Variants in MUC7 observed in about 807,000 individuals in gnomAD.
MUC7 encodes mucin 7, secreted.
Under a neutral mutation model 2.5 loss-of-function variants are expected in MUC7, and 2 were observed. The observed-to-expected ratio is 0.81, with a 90% CI of 0.33 to 2.55. The LOEUF (loss-of-function observed/expected upper bound fraction) is 2.55, where lower values mean the gene tolerates loss of function less well. MUC7 is among the 30% of genes most tolerant of loss of function. The probability of loss-of-function intolerance (pLI) is 0.11; values close to 1 mark genes in which losing one functional copy is unlikely to be tolerated. For missense variants in MUC7, 408 were observed against 455.6 expected (o/e 0.90, Z 0.95); for synonymous variants, 133 against 173.4 (o/e 0.77, Z 1.83).
chr4:70,452,010 A>G (rs182119511), intron 1 of MUC7, among the ~76,000 whole-genome samples: 1 of 152,256 alleles, frequency 6.6e-6, no homozygotes, highest in African/African-American at 2.4e-5. Context: ...ATCCTTATAT[A>G]CTGATCTTAT....
At chr4:70,449,925 C>T (rs1469114689) in intron 1 of MUC7, among the ~76,000 whole-genome samples, 6 of 152,192 alleles carry the variant, frequency 3.9e-5, no homozygotes, top group Admixed American at 3.9e-4. Flanking sequence ...CTGGGTCTTG[C>T]CCAAGGCCTG....
intron 1 of MUC7, among the ~76,000 whole-genome samples, chr4:70,451,078 G>C (rs1296460942): frequency 6.6e-6 from 1 of 152,166 alleles, no homozygotes; most frequent in African/African-American, 2.4e-5. Flanking sequence ...GAGACACAGA[G>C]TGCTGTAGCC....
Position 70,459,275 on chromosome 4 carries a change from T to C in MUC7, c.-92-12940T>C, listed in dbSNP as rs550474549. On this transcript the variant is annotated intron_variant, in intron 1 of 3. Coordinates refer to the MUC7 transcript ENST00000413702. Reference sequence around the variant, plus strand: ...GTAAAAAATGATGAGTTCATGTCCTTTGTAGGGACATGGATGAAATTGGAA... The same window carrying C: ...GTAAAAAATGATGAGTTCATGTCCTCTGTAGGGACATGGATGAAATTGGAA... Among the ~76,000 whole-genome samples the C allele has an allele frequency of 3.9e-5, 6 of 152,324 alleles. No individual in the cohort carries two copies. The South Asian group carries it at 1.2e-3, about 32-fold the overall frequency.
Position 70,481,060 on chromosome 4 carries a change from G to A in MUC7, c.316G>A (p.Val106Met). 3 of 1,614,082 alleles carry A rather than the reference G, an allele frequency of 1.9e-6. No homozygotes were observed. Among genetic ancestry groups the A allele is most frequent in the Non-Finnish European group, 2.5e-6 (3 of 1,180,016 alleles). Residue 106 changes from valine to methionine, a missense_variant, in exon 3 of 3, where the codon GTG becomes ATG. This residue lies in a region of MUC7 where 225 missense variants were observed against 240.5 expected (regional missense o/e 0.94). Coordinates refer to ENST00000304887, the MANE Select transcript of MUC7 (RefSeq NM_152291.3). ...TAGCAGTGTGGTCAACCCTACCTTA[G>A]TGGCTACAACCCAAATTCCATCTGT... ...KNSSVVNPTLVATTQIPSVTF... is the reference protein window; with the variant it reads ...KNSSVVNPTLMATTQIPSVTF...
intron 1 of MUC7, among the ~76,000 whole-genome samples, chr4:70,453,815 G>A (rs1577904803): frequency 6.6e-6 from 1 of 152,080 alleles, no homozygotes; most frequent in Non-Finnish European, 1.5e-5. Flanking sequence ...CCTTGGTATT[G>A]CTGCTGGTTA....
chr4:70,434,450 G>A (rs935772773), intron 1 of MUC7, among the ~76,000 whole-genome samples: 5 of 152,182 alleles, frequency 3.3e-5, no homozygotes, highest in Admixed American at 6.5e-5. Flanking sequence ...ACTCTTGGGA[G>A]GGTGTATGTG....
At chr4:70,444,525 C>T (rs1349838717) in intron 1 of MUC7, among the ~76,000 whole-genome samples, 1 of 152,186 alleles carries the variant, frequency 6.6e-6, no homozygotes, top group East Asian at 1.9e-4. Context: ...CTTGCAGCCA[C>T]CCGATTTGAC....
At chr4:70,441,829 C>G (rs1415776891) in intron 1 of MUC7, among the ~76,000 whole-genome samples, 1 of 152,146 alleles carries the variant, frequency 6.6e-6, no homozygotes, top group Non-Finnish European at 1.5e-5. Flanking sequence ...GGCCTACCAT[C>G]CATTTTAGTT....
At chr4:70,445,315 C>T (rs12508473) in intron 1 of MUC7, among the ~76,000 whole-genome samples, 121,235 of 151,594 alleles carry the variant, frequency 0.8, 49,052 homozygotes, top group Middle Eastern at 0.88. Flanking sequence ...CTAACTGTTG[C>T]TCCAGCTGGT....
At chr4:70,456,861 G>T (rs919883396) in intron 1 of MUC7, among the ~76,000 whole-genome samples, 2 of 152,064 alleles carry the variant, frequency 1.3e-5, no homozygotes, top group African/African-American at 4.8e-5. Context: ...TTATGCAGTT[G>T]GGGTTACAAA....
At chr4:70,468,592 C>G (rs1734740978), upstream of MUC7, among the ~76,000 whole-genome samples, 1 of 152,166 alleles carries the variant, frequency 6.6e-6, no homozygotes, top group African/African-American at 2.4e-5. Context: ...GGGCAAAAAT[C>G]ACAAGCATTC....
At chr4:70,478,487 T>C (rs1305114450) in intron 2 of MUC7, among the ~76,000 whole-genome samples, 2 of 152,208 alleles carry the variant, frequency 1.3e-5, no homozygotes, top group Non-Finnish European at 2.9e-5. Flanking sequence ...ATCCAAATCA[T>C]TTTATAAATG....
intron 1 of MUC7, among the ~76,000 whole-genome samples, chr4:70,459,786 T>A (rs1312758818): frequency 1.3e-5 from 2 of 152,166 alleles, no homozygotes; most frequent in African/African-American, 4.8e-5. Flanking sequence ...TCTTTGTTCA[T>A]CTCTAATCTC....
rs1735178161 is a variant in MUC7, at chr4:70,481,418, C to T, written c.674C>T (p.Pro225Leu). The T allele has an allele frequency of 1.2e-6, 2 of 1,612,796 alleles. No individual in the cohort carries two copies. Among genetic ancestry groups the T allele is most frequent in the Non-Finnish European group, 1.7e-6 (2 of 1,179,690 alleles). Residue 225 changes from proline (P) to leucine (L), a missense_variant, in exon 3 of 3, where the codon CCA becomes CTA. By Grantham distance (98) the Pro-to-Leu change is moderately conservative. Transcript: ENST00000304887. Reference sequence around the variant, plus strand: ...ACACCTCCTGCAACTACACCAGCTCCACCATCTTCCTCAGCTCCACCAGAG... The same window carrying T: ...ACACCTCCTGCAACTACACCAGCTCTACCATCTTCCTCAGCTCCACCAGAG... The part of the protein sequence containing the change: ...PPTPPATTPA[P>L]PSSSAPPETT...
At chr4:70,457,471 T>C (rs1430696008) in intron 1 of MUC7, among the ~76,000 whole-genome samples, 1 of 151,784 alleles carries the variant, frequency 6.6e-6, no homozygotes, top group East Asian at 1.9e-4. Context: ...CTTATGATTA[T>C]GACAAAAATT....
chr4:70,457,154 G>A (rs1321780293), intron 1 of MUC7, among the ~76,000 whole-genome samples: 1 of 152,144 alleles, frequency 6.6e-6, no homozygotes, highest in African/African-American at 2.4e-5. Context: ...TTAAATTACC[G>A]ACACTTGGCC....
chr4:70,447,010 T>G (rs151021163), intron 1 of MUC7, among the ~76,000 whole-genome samples: 115 of 135,306 alleles, frequency 8.5e-4, no homozygotes, highest in Middle Eastern at 3.8e-3. Context: ...CAAGTGCAAA[T>G]GAGAAAGACA....
intron 2 of MUC7, 93 bp downstream of exon 2, chr4:70,474,168 C>T (rs922571394): frequency 9.9e-7 from 1 of 1,009,044 alleles, no homozygotes; most frequent in Non-Finnish European, 1.5e-6. Context: ...ATAGGCAACC[C>T]CTATTTCCAA....
In MUC7 at chr4:70,474,020, G is replaced by A. The variant is rs142578587; in HGVS notation, c.-2G>A. On this transcript the variant is annotated 5_prime_UTR_variant, in exon 2 of 3. Transcript: ENST00000304887. ...TGCTTTTCCCAGGAGACATCAGAAA[G>A]AATGAAAACTCTGCCGCTGTTTGTG... The A allele has an allele frequency of 2.1e-4, 341 of 1,612,116 alleles. 1 individual carries two copies. In the African/African-American group the frequency reaches 4.3e-3, roughly 20 times the overall value.
Sources: allele counts gnomAD v4.1 joint callset (sites outside exome capture counted in the v4.1 genomes callset), GRCh38; gene constraint gnomAD v4.1.1; regional missense constraint gnomAD v4.1.1; transcripts MANE v1.5; gene names NCBI Gene and HGNC (gene_info 2026-07-23, HGNC 2026-07-21).